The following KIAA1217 variants were observed in gnomAD, a reference collection of about 807,000 sequenced individuals.
KIAA1217 encodes the protein sickle tail protein homolog.
Under a neutral mutation model 163.9 loss-of-function variants are expected in KIAA1217, and 88 were observed. That is an observed-to-expected ratio of 0.54 (90% CI 0.45 to 0.64). The LOEUF is 0.64. KIAA1217 is among the 30% of genes least tolerant of loss of function. KIAA1217 has a pLI of 0.00. For synonymous variants in KIAA1217, 903 were observed against 923.1 expected (o/e 0.98, Z 0.39); for missense variants, 2,372 against 2,475.0 (o/e 0.96, Z 0.88).
intron 2 of KIAA1217, among the ~76,000 whole-genome samples, chr10:24,314,796 C>T (rs1761329616): frequency 6.6e-6 from 1 of 151,910 alleles, no homozygotes; most frequent in Admixed American, 6.6e-5. Flanking sequence ...CAAAAAAAAT[C>T]AGCCGGGCGT....
At chr10:24,175,847 T>C (rs2065861393) in intron 2 of KIAA1217, among the ~76,000 whole-genome samples, 1 of 152,134 alleles carries the variant, frequency 6.6e-6, no homozygotes, top group Admixed American at 6.5e-5. Context: ...TGCCTCCCAG[T>C]GGGTTCATTG....
intron 1 of KIAA1217, among the ~76,000 whole-genome samples, chr10:24,218,995 A>C (rs1441488172): frequency 6.6e-6 from 1 of 152,224 alleles, no homozygotes; most frequent in Non-Finnish European, 1.5e-5. Flanking sequence ...TGTTATTAAA[A>C]ATACAGAAAT....
intron 2 of KIAA1217, among the ~76,000 whole-genome samples, chr10:24,289,295 C>T (rs999033090): frequency 1.3e-5 from 2 of 151,930 alleles, no homozygotes; most frequent in African/African-American, 4.8e-5. Context: ...TATAGATGCT[C>T]CTTCTGGAAG....
At chr10:24,238,129 A>T (rs1187359479) in intron 2 of KIAA1217, among the ~76,000 whole-genome samples, 2 of 152,260 alleles carry the variant, frequency 1.3e-5, no homozygotes, top group African/African-American at 4.8e-5. Context: ...GCAAGTTAAC[A>T]GCAGACTGCT....
chr10:23,707,842 C>G (rs1241629406), intron 1 of KIAA1217, among the ~76,000 whole-genome samples: 1 of 152,168 alleles, frequency 6.6e-6, no homozygotes, highest in Non-Finnish European at 1.5e-5. Context: ...GATTTCTGCT[C>G]TTTCCATTCC....
intron 2 of KIAA1217, among the ~76,000 whole-genome samples, chr10:24,283,541 C>T (rs1412487180): frequency 6.6e-6 from 1 of 152,050 alleles, no homozygotes; most frequent in Non-Finnish European, 1.5e-5. Context: ...GTGGTGTATG[C>T]CTGTAGTCCC....
At chr10:23,848,577 C>T (rs1418185428) in intron 1 of KIAA1217, among the ~76,000 whole-genome samples, 1 of 152,044 alleles carries the variant, frequency 6.6e-6, no homozygotes, top group African/African-American at 2.4e-5. Context: ...CACACACTAT[C>T]TGGCCCAAAT....
At chr10:24,503,238 ATGACGGTTGC>A (rs1365749718) in intron 9 of KIAA1217, among the ~76,000 whole-genome samples, 1 of 152,206 alleles carries the variant, frequency 6.6e-6, no homozygotes, top group Non-Finnish European at 1.5e-5. Context: ...AGCATGGATC[ATGACGGTTGC>A]TAGAAGAGTG....
intron 1 of KIAA1217, among the ~76,000 whole-genome samples, chr10:23,724,365 T>A (rs991129948): frequency 6.6e-6 from 1 of 152,218 alleles, no homozygotes; most frequent in African/African-American, 2.4e-5. Context: ...ACTTTGAATG[T>A]TATTTCTGTA....
Position 23,830,327 on chromosome 10 carries a change from C to T in KIAA1217, c.-321+135093C>T, listed in dbSNP as rs150027515. The stretch of plus-strand genomic sequence containing the variant: ...GTTGACAGTGAAGTCTCTCTTGATT[C>T]GGTTGTCCTGCATAATAATTACATG... On this transcript the variant is annotated intron_variant, in intron 1 of 18. Coordinates refer to the KIAA1217 transcript ENST00000376462. 3.7e-3 allele frequency among the ~76,000 whole-genome samples: 564 copies of T among 152,220 alleles called. 4 individuals are homozygous for T. Among genetic ancestry groups the T allele is most frequent in the African/African-American group, 0.012 (516 of 41,542 alleles).
At chr10:23,701,880 A>G (rs1415312944) in intron 1 of KIAA1217, among the ~76,000 whole-genome samples, 1 of 152,246 alleles carries the variant, frequency 6.6e-6, no homozygotes, top group Non-Finnish European at 1.5e-5. Context: ...ACTAGCTCAA[A>G]GCAGTCAAAT....
intron 1 of KIAA1217, among the ~76,000 whole-genome samples, chr10:23,833,742 C>T (rs1410408630): frequency 6.6e-6 from 1 of 151,870 alleles, no homozygotes; most frequent in Non-Finnish European, 1.5e-5. Context: ...CTTGGAAATT[C>T]TTACCTACTA....
chr10:23,959,323 A>T (rs1385690160), intron 1 of KIAA1217, among the ~76,000 whole-genome samples: 2 of 152,082 alleles, frequency 1.3e-5, no homozygotes, highest in East Asian at 1.9e-4. Flanking sequence ...TGAGGCTAGG[A>T]GTTCGAGACC....
intron 2 of KIAA1217, among the ~76,000 whole-genome samples, chr10:24,323,846 G>A (rs905913755): frequency 6.9e-6 from 1 of 145,984 alleles, no homozygotes; most frequent in East Asian, 2.0e-4. Flanking sequence ...ACTAACTTAG[G>A]GTGGTTTTTT....
chr10:24,032,486 A>T (rs1848229113), intron 2 of KIAA1217, among the ~76,000 whole-genome samples: 1 of 152,070 alleles, frequency 6.6e-6, no homozygotes, highest in African/African-American at 2.4e-5. Flanking sequence ...GGCCCAAGTG[A>T]TCCACCTCTT....
chr10:24,294,936 T>C (rs1168935611), intron 2 of KIAA1217, among the ~76,000 whole-genome samples: 1 of 152,216 alleles, frequency 6.6e-6, no homozygotes, highest in Non-Finnish European at 1.5e-5. Flanking sequence ...TGGAATACCT[T>C]GCATTCTCCC....
chr10:23,836,600 C>G (rs1838464098), intron 1 of KIAA1217, among the ~76,000 whole-genome samples: 1 of 149,614 alleles, frequency 6.7e-6, no homozygotes, highest in Admixed American at 6.7e-5. Flanking sequence ...GCAATGAGGT[C>G]TTGGTTTTTA....
chr10:24,177,365 A>ATG lies in KIAA1217; in HGVS notation c.-170-42260_-170-42259insGT, dbSNP rs1456759690. 6.9e-5 allele frequency among the ~76,000 whole-genome samples: 10 copies of ATG among 144,304 alleles called. No individual in the cohort carries two copies. The East Asian group carries it at 1.9e-3, about 27-fold the overall frequency. The allele number at this position is 144,304 out of a possible 152,430, so 94.7% of individuals were successfully genotyped here. A position where few individuals can be genotyped will look rare whatever the true frequency, so the allele number is the denominator to read the frequency against. On this transcript the variant is annotated intron_variant, in intron 2 of 18. Transcript: ENST00000376462. ...TTATATATCTTTATCATATGTGTATATATATATATATATATGTGTGTGTCT... is the reference window on the plus strand; with the variant it reads ...TTATATATCTTTATCATATGTGTATATGTATATATATATATATGTGTGTGTCT...
chr10:24,135,308 G>C (rs1050761331), intron 2 of KIAA1217, among the ~76,000 whole-genome samples: 1 of 152,174 alleles, frequency 6.6e-6, no homozygotes, highest in Admixed American at 6.5e-5. Context: ...TTCATGAACA[G>C]AATGAGTGGA....
Sources: allele counts gnomAD v4.1 joint callset (sites outside exome capture counted in the v4.1 genomes callset), GRCh38; gene constraint gnomAD v4.1.1; transcripts MANE v1.5; gene names NCBI Gene and HGNC (gene_info 2026-07-23, HGNC 2026-07-21).